Variants in UBE2E2 observed in about 807,000 individuals in gnomAD.
UBE2E2 encodes the protein ubiquitin conjugating enzyme E2 E2.
In UBE2E2, 6 loss-of-function variants were observed where a neutral mutation model predicts 24.7. The observed-to-expected ratio is 0.24, with a 90% CI of 0.13 to 0.48. UBE2E2 has a LOEUF of 0.48. Among genes scored for constraint, UBE2E2 ranks in the 20% least tolerant of loss-of-function variants. The pLI is 0.99. For synonymous variants in UBE2E2, 104 were observed against 83.6 expected (o/e 1.24, Z -1.33); for missense variants, 169 against 245.0 (o/e 0.69, Z 2.07).
intron 3 of UBE2E2, among the ~76,000 whole-genome samples, chr3:23,419,034 G>A (rs562593744): frequency 4.6e-5 from 7 of 151,232 alleles, no homozygotes; most frequent in Admixed American, 2.0e-4. Flanking sequence ...ACTCCCTGCA[G>A]CCTCAATCTC....
intron 3 of UBE2E2, among the ~76,000 whole-genome samples, chr3:23,254,668 A>C (rs1697665199): frequency 6.6e-6 from 1 of 152,210 alleles, no homozygotes; most frequent in South Asian, 2.1e-4. Flanking sequence ...ATTATAGGAT[A>C]CTGTGGGATT....
rs374838245 is a variant in UBE2E2, at chr3:23,412,332, A to T, written c.228-87276A>T. Among the ~76,000 whole-genome samples the T allele has an allele frequency of 2.0e-5, 3 of 152,232 alleles. 1 individual carries two copies. Among genetic ancestry groups the T allele is most frequent in the East Asian group, 3.9e-4 (2 of 5,182 alleles). On this transcript the variant is annotated intron_variant, in intron 3 of 5. Coordinates refer to ENST00000396703, the MANE Select transcript of UBE2E2 (RefSeq NM_152653.4). ...TTGCCTTATGAAGGACCTTGTTTGTATACTAGATCATTTTGGAAAGGTAAA... is the reference window on the plus strand; with the variant it reads ...TTGCCTTATGAAGGACCTTGTTTGTTTACTAGATCATTTTGGAAAGGTAAA...
chr3:23,467,259 T>C (rs1175634685), intron 3 of UBE2E2, among the ~76,000 whole-genome samples: 2 of 152,208 alleles, frequency 1.3e-5, no homozygotes, highest in African/African-American at 4.8e-5. Flanking sequence ...TTCTTGACTT[T>C]TGATCTTTTA....
chr3:23,481,607 CTGTT>C (rs1699261535), intron 3 of UBE2E2, among the ~76,000 whole-genome samples: 1 of 152,214 alleles, frequency 6.6e-6, no homozygotes, highest in Admixed American at 6.5e-5. Context: ...ATTCATTCCT[CTGTT>C]TGTGTCTTAC....
intron 3 of UBE2E2, among the ~76,000 whole-genome samples, chr3:23,220,535 TA>T (rs1696603451): frequency 6.6e-6 from 1 of 152,236 alleles, no homozygotes; most frequent in Non-Finnish European, 1.5e-5. Flanking sequence ...GAGTATTTCC[TA>T]TAAGTAGTGG....
chr3:23,292,008 G>A (rs910531825), intron 3 of UBE2E2, among the ~76,000 whole-genome samples: 23 of 151,854 alleles, frequency 1.5e-4, no homozygotes, highest in Admixed American at 2.6e-4. Context: ...ACAGGCGCCC[G>A]CCACCGCACC....
chr3:23,328,028 T>C (rs929830081), intron 3 of UBE2E2, among the ~76,000 whole-genome samples: 2 of 150,536 alleles, frequency 1.3e-5, no homozygotes, highest in Admixed American at 1.3e-4. Context: ...AGTATACTTA[T>C]GTTGTCTTAT....
In UBE2E2 at chr3:23,515,793, CAAAAAGAAAAAAAAA is replaced by C. The variant is rs1694723280; in HGVS notation, c.360+16064_360+16078del. Among the ~76,000 whole-genome samples the C allele has an allele frequency of 3.5e-5, 4 of 113,784 alleles. 1 individual carries two copies. The highest frequency in any genetic ancestry group is 2.8e-4 in the Admixed American group (3 of 10,872). The allele number at this position is 113,784 out of a possible 152,430, so 74.6% of individuals were successfully genotyped here. Reference sequence around the variant, plus strand: ...ACAACATAGTGAGATCGCATCTCTACAAAAAGAAAAAAAAAAAAAAGAAAAGAAAAAACGAGCCAG... The same window carrying C: ...ACAACATAGTGAGATCGCATCTCTACAAAAAGAAAAGAAAAAACGAGCCAG... On this transcript the variant is annotated intron_variant, in intron 4 of 5. Transcript: ENST00000396703.
intron 3 of UBE2E2, among the ~76,000 whole-genome samples, chr3:23,490,010 A>T (rs549619075): frequency 5.3e-5 from 8 of 152,296 alleles, no homozygotes; most frequent in Middle Eastern, 3.4e-3. Context: ...AGGGAAAAAA[A>T]TGTTGAGAAC....
intron 3 of UBE2E2, among the ~76,000 whole-genome samples, chr3:23,394,905 C>A (rs2125364616): frequency 6.6e-6 from 1 of 152,284 alleles, no homozygotes; most frequent in Admixed American, 6.5e-5. Flanking sequence ...TATTGTTACA[C>A]CAGCCTCTAA....
intron 3 of UBE2E2, among the ~76,000 whole-genome samples, chr3:23,256,473 A>C (rs1330214523): frequency 3.6e-5 from 3 of 82,632 alleles, no homozygotes; most frequent in Admixed American, 1.2e-4. Flanking sequence ...AATTTTTGAC[A>C]AAAAAAACTG....
chr3:23,306,204 T>G (rs894468119), intron 3 of UBE2E2, among the ~76,000 whole-genome samples: 75 of 152,366 alleles, frequency 4.9e-4, no homozygotes, highest in Admixed American at 1.4e-3. Context: ...CTGCTTTGTC[T>G]GCCCAAAGCA....
chr3:23,327,352 T>G (rs927994523), intron 3 of UBE2E2, among the ~76,000 whole-genome samples: 2 of 152,208 alleles, frequency 1.3e-5, no homozygotes, highest in Non-Finnish European at 2.9e-5. Context: ...CCTGACTTTT[T>G]AATGATCGCC....
intron 4 of UBE2E2, among the ~76,000 whole-genome samples, chr3:23,507,981 T>C (rs562481701): frequency 3.9e-5 from 6 of 152,240 alleles, no homozygotes; most frequent in Non-Finnish European, 8.8e-5. Context: ...TTTTGCCAGC[T>C]TTAAAGAAGT....
At chr3:23,429,050 A>G (rs1189330559) in intron 3 of UBE2E2, among the ~76,000 whole-genome samples, 1 of 152,124 alleles carries the variant, frequency 6.6e-6, no homozygotes, top group Non-Finnish European at 1.5e-5. Context: ...AAATGAACCA[A>G]TTTCTTGAAA....
intron 3 of UBE2E2, among the ~76,000 whole-genome samples, chr3:23,350,523 A>G (rs1695712576): frequency 6.6e-6 from 1 of 152,210 alleles, no homozygotes; most frequent in Non-Finnish European, 1.5e-5. Context: ...AGAATAACCA[A>G]TACAGAGAAG....
intron 4 of UBE2E2, among the ~76,000 whole-genome samples, chr3:23,500,921 A>G (rs986429219): frequency 2.6e-5 from 4 of 152,190 alleles, no homozygotes; most frequent in Non-Finnish European, 4.4e-5. Context: ...CCTACATTAC[A>G]CAATACATTT....
intron 3 of UBE2E2, among the ~76,000 whole-genome samples, chr3:23,311,793 G>C (rs1259842196): frequency 6.6e-6 from 1 of 152,132 alleles, no homozygotes; most frequent in Non-Finnish European, 1.5e-5. Context: ...GGATACAGGA[G>C]ATATTTTGAC....
chr3:23,319,058 G>A (rs561551351), intron 3 of UBE2E2, among the ~76,000 whole-genome samples: 2 of 152,288 alleles, frequency 1.3e-5, no homozygotes, highest in Admixed American at 1.3e-4. Context: ...GAGAGAAACT[G>A]AGAGTCTTTT....
Sources: gnomAD v4.1 joint callset for allele counts (sites outside exome capture counted in the v4.1 genomes callset) on GRCh38, gnomAD v4.1.1 for gene constraint, MANE v1.5 for transcripts, NCBI Gene and HGNC (gene_info 2026-07-23, HGNC 2026-07-21) for gene names.